Variants in ADGRL3 observed in about 807,000 individuals in gnomAD.
ADGRL3 encodes the protein calcium-independent alpha-latrotoxin receptor 3.
Under a neutral mutation model 153.5 loss-of-function variants are expected in ADGRL3, and 62 were observed. The ratio of observed to expected loss-of-function variants is 0.40; its 90% confidence interval spans 0.33 to 0.50. The LOEUF is 0.50. Among genes scored for constraint, ADGRL3 ranks in the 20% least tolerant of loss-of-function variants. ADGRL3 has a pLI of 0.47. For missense variants in ADGRL3, 1,641 were observed against 1,859.4 expected (o/e 0.88, Z 2.16); for synonymous variants, 710 against 672.5 (o/e 1.06, Z -0.86).
intron 1 of ADGRL3, among the ~76,000 whole-genome samples, chr4:61,303,634 G>T (rs570541464): frequency 6.6e-6 from 1 of 152,210 alleles, no homozygotes; most frequent in East Asian, 1.9e-4. Context: ...GTGGTTAGAT[G>T]TTTATACATT....
chr4:61,495,804 G>A (rs2098309387), intron 2 of ADGRL3, among the ~76,000 whole-genome samples: 1 of 152,032 alleles, frequency 6.6e-6, no homozygotes, highest in African/African-American at 2.4e-5. Context: ...TAGGTTGCAT[G>A]TTTTCTTCAA....
intron 2 of ADGRL3, among the ~76,000 whole-genome samples, chr4:61,400,523 T>C (rs1471687112): frequency 1.3e-5 from 2 of 151,874 alleles, no homozygotes; most frequent in Admixed American, 6.6e-5. Context: ...TTCCTGGGAT[T>C]CCCTGTGAAT....
intron 6 of ADGRL3, among the ~76,000 whole-genome samples, chr4:61,708,860 A>G (rs1299827602): frequency 1.3e-5 from 2 of 151,874 alleles, no homozygotes; most frequent in African/African-American, 4.8e-5. Flanking sequence ...CCCAGGCTGG[A>G]GTACAGTGGC....
At chr4:61,913,588 T>G (rs1317331005) in intron 13 of ADGRL3, among the ~76,000 whole-genome samples, 1 of 152,198 alleles carries the variant, frequency 6.6e-6, no homozygotes. Context: ...AAACAAAACT[T>G]TATCAGTTAA....
chr4:61,923,456 CTTT>C (rs2098779674), intron 13 of ADGRL3, among the ~76,000 whole-genome samples: 1 of 151,650 alleles, frequency 6.6e-6, no homozygotes, highest in Non-Finnish European at 1.5e-5. Context: ...AAAAAAATCC[CTTT>C]TTGAACTACA....
intron 1 of ADGRL3, among the ~76,000 whole-genome samples, chr4:61,275,840 A>T (rs1183798483): frequency 1.3e-5 from 2 of 152,176 alleles, no homozygotes; most frequent in African/African-American, 4.8e-5. Context: ...TGTTGAATCT[A>T]TTTATTCTCT....
At chr4:61,808,492 A>C (rs2148540174) in intron 8 of ADGRL3, among the ~76,000 whole-genome samples, 1 of 152,244 alleles carries the variant, frequency 6.6e-6, no homozygotes, top group Middle Eastern at 3.4e-3. Flanking sequence ...AGGATTATTA[A>C]GATGAAGGGG....
chr4:61,598,068 A>G (rs1309953897), intron 5 of ADGRL3, among the ~76,000 whole-genome samples: 1 of 152,164 alleles, frequency 6.6e-6, no homozygotes, highest in African/African-American at 2.4e-5. Context: ...AGGAGATACA[A>G]TCCTGAATTA....
At chr4:61,746,691 G>T (rs2151989890) in intron 8 of ADGRL3, among the ~76,000 whole-genome samples, 1 of 152,262 alleles carries the variant, frequency 6.6e-6, no homozygotes, top group East Asian at 1.9e-4. Context: ...CAGAATCTCT[G>T]GGACATATTC....
intron 1 of ADGRL3, among the ~76,000 whole-genome samples, chr4:61,319,764 T>A (rs1008418157): frequency 2.6e-5 from 4 of 152,222 alleles, no homozygotes; most frequent in African/African-American, 9.6e-5. Context: ...TATTTTAATG[T>A]AGTAAACTAG....
chr4:61,677,388 G>A (rs777218442), intron 6 of ADGRL3: 1 of 421,898 alleles, frequency 2.4e-6, no homozygotes, highest in East Asian at 6.8e-5. Context: ...TCATCCAGAA[G>A]GAGTAGACCA....
chr4:61,292,409 A>C (rs2094254298), intron 1 of ADGRL3, among the ~76,000 whole-genome samples: 1 of 152,184 alleles, frequency 6.6e-6, no homozygotes, highest in Non-Finnish European at 1.5e-5. Flanking sequence ...ATTAACTACA[A>C]CTTATATGAA....
intron 1 of ADGRL3, among the ~76,000 whole-genome samples, chr4:61,327,227 G>A (rs1006664141): frequency 6.6e-6 from 1 of 151,682 alleles, no homozygotes; most frequent in Admixed American, 6.6e-5. Flanking sequence ...TATTCTTAGA[G>A]CTTCCCTCTT....
intron 12 of ADGRL3, among the ~76,000 whole-genome samples, chr4:61,911,006 C>T (rs1858273): frequency 0.94 from 142,109 of 151,952 alleles, 66,709 homozygotes; most frequent in East Asian, 1. Context: ...TTATTTTTGT[C>T]ACTTATGCCC....
chr4:61,900,834 A>G (rs927045474), intron 11 of ADGRL3, among the ~76,000 whole-genome samples: 5 of 152,150 alleles, frequency 3.3e-5, no homozygotes, highest in Non-Finnish European at 7.4e-5. Flanking sequence ...AATGTTCTTA[A>G]AAAAGTTTCC....
intron 5 of ADGRL3, among the ~76,000 whole-genome samples, chr4:61,605,184 A>C (rs1173336305): frequency 6.6e-6 from 1 of 151,608 alleles, no homozygotes; most frequent in African/African-American, 2.4e-5. Context: ...AATTTGTATT[A>C]TAAAAAGAAA....
At chr4:61,394,176 C>T (rs1282889016) in intron 2 of ADGRL3, among the ~76,000 whole-genome samples, 2 of 151,656 alleles carry the variant, frequency 1.3e-5, no homozygotes, top group Non-Finnish European at 2.9e-5. Context: ...ATATAATTTT[C>T]CTGAGTGATA....
chr4:61,332,018 A>G (rs2095582891), intron 1 of ADGRL3, among the ~76,000 whole-genome samples: 1 of 152,172 alleles, frequency 6.6e-6, no homozygotes, highest in African/African-American at 2.4e-5. Context: ...GCTTCATTCC[A>G]AAAAAATTTT....
chr4:62,013,593 A>C (rs2099197179), intron 21 of ADGRL3, among the ~76,000 whole-genome samples: 7 of 151,608 alleles, frequency 4.6e-5, no homozygotes, highest in Admixed American at 4.6e-4. Context: ...TGAATTTAAC[A>C]TGTCTTCAAA....
Sources: allele counts gnomAD v4.1 joint callset (sites outside exome capture counted in the v4.1 genomes callset), GRCh38; gene constraint gnomAD v4.1.1; transcripts MANE v1.5; gene names NCBI Gene and HGNC (gene_info 2026-07-23, HGNC 2026-07-21).